BSDC1: variants seen among roughly 807,000 people sequenced by gnomAD.
The protein encoded by BSDC1 is BSD domain-containing protein 1.
BSDC1 carries 29 observed loss-of-function variants against 56.0 expected under a neutral mutation model. The observed-to-expected ratio is 0.52, with a 90% CI of 0.39 to 0.71. BSDC1 has a LOEUF of 0.71. Among genes scored for constraint, BSDC1 ranks in the 30% least tolerant of loss-of-function variants. BSDC1 has a pLI of 0.00. For synonymous variants in BSDC1, 210 were observed against 215.3 expected, an observed-to-expected ratio of 0.98 and a Z score of 0.21; for missense variants, 477 against 548.5, an observed-to-expected ratio of 0.87 and a Z score of 1.30.
chr1:32,367,910 C>G, intron 10 of BSDC1: 2 of 1,017,654 alleles, frequency 2.0e-6, no homozygotes, highest in Non-Finnish European at 1.2e-6. Context: ...GGTTAAGTAA[C>G]TTGCCCTTGC....
chr1:32,373,247 T>C (rs1347949794), intron 9 of BSDC1, among the ~76,000 whole-genome samples: 1 of 152,230 alleles, frequency 6.6e-6, no homozygotes, highest in Non-Finnish European at 1.5e-5. Context: ...GTGAGTCTTC[T>C]ATAGCACATC....
intron 5 of BSDC1, 23 bp downstream of exon 5, chr1:32,381,191 C>A: frequency 6.2e-7 from 1 of 1,613,276 alleles, no homozygotes; most frequent in Non-Finnish European, 8.5e-7. Context: ...TACAAGCCCA[C>A]CCGCTCAGTG....
intron 8 of BSDC1, among the ~76,000 whole-genome samples, chr1:32,377,083 C>T (rs993162751): frequency 4.6e-5 from 7 of 151,856 alleles, no homozygotes; most frequent in African/African-American, 9.7e-5. Flanking sequence ...TTGCAGTGGG[C>T]GGAGATTGCG....
At chr1:32,369,695 C>A (rs879214622) in intron 9 of BSDC1, among the ~76,000 whole-genome samples, 3 of 152,218 alleles carry the variant, frequency 2.0e-5, no homozygotes, top group Non-Finnish European at 2.9e-5. Context: ...CAACTTTTCA[C>A]CTCCTTCATG....
At chr1:32,373,262 G>C (rs1256589542) in intron 9 of BSDC1, among the ~76,000 whole-genome samples, 2 of 152,138 alleles carry the variant, frequency 1.3e-5, no homozygotes, top group Non-Finnish European at 2.9e-5. Context: ...CACATCCTCA[G>C]CCTCTCCTTT....
In BSDC1 at chr1:32,376,702, G is replaced by A. The variant is rs999351301; in HGVS notation, c.716C>T (p.Ala239Val). Residue 239 changes from alanine to valine, a missense_variant, in exon 9 of 11, where the codon GCA becomes GTA. Transcript: ENST00000455895. The stretch of plus-strand genomic sequence containing the variant: ...AGAAATTTTGGCCACAGGAACCTTT[G>A]CCTCTTTTGGAGATATGGGTGAAAT... ...MGISPISPKE[A>V]KVPVAKISTF... 1 of 1,427,322 alleles carries A rather than the reference G, an allele frequency of 7.0e-7. No individual in the cohort carries two copies. Among genetic ancestry groups the A allele is most frequent in the Non-Finnish European group, 9.3e-7 (1 of 1,079,470 alleles). 88.4% of individuals were successfully genotyped at this position (1,427,322 alleles called of 1,614,324 possible).
chr1:32,375,769 A>AT (rs1465711426), intron 9 of BSDC1, among the ~76,000 whole-genome samples: 5 of 152,232 alleles, frequency 3.3e-5, no homozygotes, highest in African/African-American at 4.8e-5. Context: ...GACCCTTAAC[A>AT]TCAATGTCAC....
At chr1:32,377,279 G>A (rs2148122167) in intron 8 of BSDC1, among the ~76,000 whole-genome samples, 1 of 152,344 alleles carries the variant, frequency 6.6e-6, no homozygotes, top group South Asian at 2.1e-4. Flanking sequence ...GCAGTCCAAG[G>A]GGCTGTTATG....
chr1:32,389,750 T>C (rs1642799939), intron 2 of BSDC1, among the ~76,000 whole-genome samples: 1 of 151,814 alleles, frequency 6.6e-6, no homozygotes, highest in Non-Finnish European at 1.5e-5. Flanking sequence ...CCCAGGAATT[T>C]GAGACCAGTT....
intron 2 of BSDC1, among the ~76,000 whole-genome samples, chr1:32,392,844 A>C (rs1267747592): frequency 6.6e-6 from 1 of 152,192 alleles, no homozygotes; most frequent in Non-Finnish European, 1.5e-5. Flanking sequence ...CAGGTGGCTC[A>C]CCTGAGGTGA....
rs760084708 is a variant in BSDC1 at position 32,376,274 on chromosome 1, T to C, written c.1144A>G (p.Asn382Asp). 14 of 1,499,656 alleles carry C rather than the reference T, an allele frequency of 9.3e-6. No homozygotes were observed. In the Admixed American group the frequency reaches 2.7e-4, roughly 29 times the overall value. 92.9% of individuals were successfully genotyped at this position (1,499,656 alleles called of 1,614,324 possible). A position where few individuals can be genotyped will look rare whatever the true frequency, so the allele number is the denominator to read the frequency against. The change falls in exon 9 of 11, where the codon AAT (asparagine) becomes GAT (aspartate). Residue 382 changes from asparagine to aspartate, a missense_variant. Coordinates refer to ENST00000455895, the MANE Select transcript of BSDC1 (RefSeq NM_018045.8). ...SDSGKSTPSN[N>D]GKKGSSTDIS... ...CCTCCAGACCTACCTTTCTTTCCAT[T>C]GTTGGAGGGTGTAGACTTCCCACTA...
At position 32,366,597 on chromosome 1, in the gene BSDC1, G is replaced by A. The variant is rs779393348; in HGVS notation, c.*25C>T. On this transcript the variant is annotated 3_prime_UTR_variant, in exon 11 of 11. Coordinates refer to ENST00000455895, the MANE Select transcript of BSDC1 (RefSeq NM_018045.8). The stretch of plus-strand genomic sequence containing the variant: ...GAGGGAGGCGAGAGATGCCATGGGT[G>A]GGGGAGCTGCTCCCTCTGGCTCCCT... 4 of 1,513,530 alleles carry A rather than the reference G, an allele frequency of 2.6e-6. No homozygotes were observed. The South Asian group carries it at 3.7e-5, about 14-fold the overall frequency. The allele number at this position is 1,513,530 out of a possible 1,614,324, so 93.8% of individuals were successfully genotyped here. A position where few individuals can be genotyped will look rare whatever the true frequency, so the allele number is the denominator to read the frequency against.
At position 32,365,343 on chromosome 1, in the gene BSDC1, A is replaced by G. The variant is rs1641808159; in HGVS notation, c.*1279T>C. 6.6e-6 allele frequency: 1 copy of G among 152,582 alleles called. No individual in the cohort carries two copies. The highest frequency in any genetic ancestry group is 1.5e-5 in the Non-Finnish European group (1 of 68,032). 9.5% of individuals were successfully genotyped at this position (152,582 alleles called of 1,614,324 possible). On this transcript the variant is annotated 3_prime_UTR_variant, in exon 11 of 11. Coordinates refer to ENST00000455895, the MANE Select transcript of BSDC1 (RefSeq NM_018045.8). ...AATTAAACTAAAGAAATAATTACAA[A>G]GAGAAAAACCCCATCCCGTCAAAAA... is the stretch of plus-strand genomic sequence containing the variant.
chr1:32,393,860 C>T, intron 2 of BSDC1: 1 of 535,748 alleles, frequency 1.9e-6, no homozygotes, highest in Non-Finnish European at 3.3e-6. Flanking sequence ...TTCGTTAACT[C>T]CAGCCTTTAA....
At chr1:32,375,119 T>G (rs1570117390) in intron 9 of BSDC1, among the ~76,000 whole-genome samples, 1 of 151,680 alleles carries the variant, frequency 6.6e-6, no homozygotes, top group East Asian at 1.9e-4. Context: ...GCCACTGCAC[T>G]CCAGCCTAGG....
At chr1:32,375,902 A>G (rs933629331) in intron 9 of BSDC1, among the ~76,000 whole-genome samples, 1 of 152,226 alleles carries the variant, frequency 6.6e-6, no homozygotes, top group East Asian at 1.9e-4. Flanking sequence ...CCTCCTGGCC[A>G]TGTGAACTTG....
intron 2 of BSDC1, among the ~76,000 whole-genome samples, chr1:32,390,932 C>T (rs1256469734): frequency 1.3e-5 from 2 of 151,862 alleles, no homozygotes; most frequent in African/African-American, 2.4e-5. Context: ...AAACACAACA[C>T]TAAAGTTCAG....
intron 5 of BSDC1, among the ~76,000 whole-genome samples, chr1:32,379,636 G>A (rs1642415235): frequency 6.6e-6 from 1 of 152,150 alleles, no homozygotes; most frequent in Non-Finnish European, 1.5e-5. Flanking sequence ...CTGTCACCAG[G>A]CTGGAGTGCA....
Position 32,383,896 on chromosome 1 carries a change from G to A in BSDC1, c.291C>T (p.Ile97=), listed in dbSNP as rs779344928. The A allele has an allele frequency of 8.1e-6, 13 of 1,612,314 alleles. No homozygotes were observed. Among genetic ancestry groups the A allele is most frequent in the African/African-American group, 5.3e-5 (4 of 74,826 alleles). ...CCATCAGGGTGATGACATCGCAGTC[G>A]ATGGTTTTGTCTGGCGAAGGGGCAA... The part of the protein sequence containing the change: ...DTFAPSPDKT[I]DCDVITLMGT... The change falls in exon 4 of 11, where the codon ATC becomes ATT. Residue 97 remains isoleucine (I), a synonymous_variant. Transcript: ENST00000455895.
Sources: allele counts gnomAD v4.1 joint callset (sites outside exome capture counted in the v4.1 genomes callset), GRCh38; gene constraint gnomAD v4.1.1; transcripts MANE v1.5; gene names NCBI Gene and HGNC (gene_info 2026-07-23, HGNC 2026-07-21).